Variants in FOXP1 observed in about 807,000 individuals in gnomAD.
FOXP1 encodes the protein forkhead box protein P1.
FOXP1 carries 15 observed loss-of-function variants against 98.2 expected under a neutral mutation model. That is an observed-to-expected ratio of 0.15 (90% CI 0.10 to 0.24). The LOEUF is 0.24. Among genes scored for constraint, FOXP1 ranks in the 10% least tolerant of loss-of-function variants. FOXP1 has a pLI of 1.00. For synonymous variants in FOXP1, 371 were observed against 314.5 expected (o/e 1.18, Z -1.90); for missense variants, 633 against 848.5 (o/e 0.75, Z 3.15).
chr3:71,206,849 T>C (rs897362521), intron 5 of FOXP1, among the ~76,000 whole-genome samples: 1 of 152,164 alleles, frequency 6.6e-6, no homozygotes, highest in Non-Finnish European at 1.5e-5. Context: ...TCTTTCCTAA[T>C]AGACAAGAGT....
At chr3:71,203,307 C>CTA (rs1215520478) in intron 5 of FOXP1, among the ~76,000 whole-genome samples, 1 of 152,164 alleles carries the variant, frequency 6.6e-6, no homozygotes, top group East Asian at 1.9e-4. Flanking sequence ...CATTACAGAG[C>CTA]TACTGACTTC....
At chr3:71,381,260 C>T (rs2080146869) in intron 3 of FOXP1, among the ~76,000 whole-genome samples, 1 of 151,306 alleles carries the variant, frequency 6.6e-6, no homozygotes, top group Admixed American at 6.6e-5. Flanking sequence ...ACGCCATTCT[C>T]CTGCCTCAGC....
intron 5 of FOXP1, among the ~76,000 whole-genome samples, chr3:71,235,116 A>G (rs1383798273): frequency 8.4e-6 from 1 of 118,776 alleles, no homozygotes; most frequent in Non-Finnish European, 1.8e-5. Flanking sequence ...GAAGGCTTCC[A>G]TTTATTCTGA....
chr3:71,581,260 A>C, intron 2 of FOXP1: 1 of 985,376 alleles, frequency 1.0e-6, no homozygotes, highest in African/African-American at 1.7e-5. Context: ...TGGGGTGAGA[A>C]GGGGGGCGAG....
At chr3:71,406,234 T>C (rs1345981322) in intron 3 of FOXP1, among the ~76,000 whole-genome samples, 2 of 151,960 alleles carry the variant, frequency 1.3e-5, no homozygotes, top group African/African-American at 2.4e-5. Flanking sequence ...AAGTCTCAGA[T>C]GGGCCCCAAC....
chr3:71,453,364 C>T (rs2087140909), intron 3 of FOXP1, among the ~76,000 whole-genome samples: 1 of 152,086 alleles, frequency 6.6e-6, no homozygotes, highest in African/African-American at 2.4e-5. Context: ...GTACTTGGTC[C>T]AATTATCAGA....
At chr3:71,575,610 A>G (rs1276936883) in intron 2 of FOXP1, among the ~76,000 whole-genome samples, 2 of 152,148 alleles carry the variant, frequency 1.3e-5, no homozygotes, top group African/African-American at 4.8e-5. Context: ...CACCAGTGCC[A>G]CTGGTCATCA....
Position 71,041,357 on chromosome 3 carries a change from C to T in FOXP1, c.840G>A (p.Gln280=), listed in dbSNP as rs375611825. 6.2e-7 allele frequency: 1 copy of T among 1,613,672 alleles called. No homozygotes were observed. Among genetic ancestry groups the T allele is most frequent in the Non-Finnish European group, 8.5e-7 (1 of 1,179,750 alleles). The change falls in exon 11 of 21, where the codon CAG becomes CAA. Residue 280 remains glutamine (Q), a synonymous_variant. Coordinates refer to ENST00000649528, the MANE Select transcript of FOXP1 (RefSeq NM_001349338.3). ...CCCTTTTGGGAGTGTGGACTGAGAG[C>T]TGTCCATTGGTAGAGGCATGTGGGT... is the stretch of plus-strand genomic sequence containing the variant. ...IMNPHASTNG[Q]LSVHTPKRES... is the part of the protein sequence containing the mutation.
At chr3:71,428,634 A>G (rs1339948086) in intron 3 of FOXP1, among the ~76,000 whole-genome samples, 5 of 152,214 alleles carry the variant, frequency 3.3e-5, no homozygotes, top group African/African-American at 4.8e-5. Context: ...AGGCCCCCCT[A>G]TGAAATGTCT....
At chr3:71,379,785 C>T (rs1407909107) in intron 3 of FOXP1, among the ~76,000 whole-genome samples, 1 of 152,154 alleles carries the variant, frequency 6.6e-6, no homozygotes, top group South Asian at 2.1e-4. Flanking sequence ...CAACAAAGAC[C>T]AGATGGCCTG....
At chr3:71,518,796 C>G (rs1216014001) in intron 2 of FOXP1, among the ~76,000 whole-genome samples, 1 of 152,142 alleles carries the variant, frequency 6.6e-6, no homozygotes, top group Non-Finnish European at 1.5e-5. Context: ...GCTAATACAC[C>G]CTCCATTACT....
intron 6 of FOXP1, among the ~76,000 whole-genome samples, chr3:71,175,396 TC>T (rs1252099288): frequency 2.6e-5 from 4 of 152,232 alleles, no homozygotes; most frequent in Non-Finnish European, 4.4e-5. Context: ...GAATGGAGGC[TC>T]CCTGCCTCTC....
intron 4 of FOXP1, among the ~76,000 whole-genome samples, chr3:71,337,514 A>G (rs777962775): frequency 3.9e-5 from 6 of 152,248 alleles, no homozygotes; most frequent in Non-Finnish European, 7.3e-5. Context: ...CTTTATAAAA[A>G]TATTGAAAGT....
At chr3:71,082,568 T>C (rs2054562389) in intron 7 of FOXP1, among the ~76,000 whole-genome samples, 1 of 150,276 alleles carries the variant, frequency 6.7e-6, no homozygotes, top group South Asian at 2.1e-4. Flanking sequence ...GGCACATGTA[T>C]ACCTATGTAA....
At chr3:71,472,859 T>C (rs1173686406) in intron 3 of FOXP1, among the ~76,000 whole-genome samples, 3 of 152,220 alleles carry the variant, frequency 2.0e-5, no homozygotes, top group African/African-American at 7.2e-5. Flanking sequence ...ATTTATGGTG[T>C]GCTCCAACCA....
chr3:70,994,349 G>A (rs2041064598), intron 13 of FOXP1, among the ~76,000 whole-genome samples: 2 of 152,044 alleles, frequency 1.3e-5, no homozygotes, highest in African/African-American at 4.8e-5. Flanking sequence ...GTCCAAGAAA[G>A]TAAACTGGGA....
chr3:71,583,825 C>T, upstream of FOXP1: 2 of 987,860 alleles, frequency 2.0e-6, no homozygotes, highest in Non-Finnish European at 2.4e-6. Flanking sequence ...GCGGCGGCGG[C>T]AGAGGCGCGG....
chr3:71,241,135 G>A (rs191406766), intron 5 of FOXP1, among the ~76,000 whole-genome samples: 1 of 151,630 alleles, frequency 6.6e-6, no homozygotes, highest in African/African-American at 2.4e-5. Flanking sequence ...GCTTGAACCC[G>A]GGAGGCGGAG....
intron 14 of FOXP1, among the ~76,000 whole-genome samples, chr3:70,978,321 T>A (rs1328843903): frequency 6.6e-6 from 1 of 152,118 alleles, no homozygotes; most frequent in East Asian, 1.9e-4. Flanking sequence ...AGTCAAGACA[T>A]TTATTTCATT....
Sources: gnomAD v4.1 joint callset for allele counts (sites outside exome capture counted in the v4.1 genomes callset) on GRCh38, gnomAD v4.1.1 for gene constraint, MANE v1.5 for transcripts, NCBI Gene and HGNC (gene_info 2026-07-23, HGNC 2026-07-21) for gene names.